Variants in ARHGEF38 observed in about 807,000 individuals in gnomAD.
ARHGEF38 encodes Rho guanine nucleotide exchange factor (GEF) 38.
A neutral mutation model predicts 79.9 loss-of-function variants in ARHGEF38; 79 were observed. The observed-to-expected ratio is 0.99, with a 90% CI of 0.82 to 1.19. The LOEUF is 1.19. Among genes scored for constraint, ARHGEF38 ranks in the 50% most tolerant of loss-of-function variants. ARHGEF38 has a pLI of 0.00. For synonymous variants in ARHGEF38, 366 were observed against 328.3 expected (o/e 1.11, Z -1.24); for missense variants, 962 against 907.2 (o/e 1.06, Z -0.78).
chr4:105,643,371 T>C (rs572128576), intron 5 of ARHGEF38, among the ~76,000 whole-genome samples: 3 of 152,240 alleles, frequency 2.0e-5, no homozygotes, highest in South Asian at 2.1e-4. Context: ...AAGTAGAAGA[T>C]ACAGCCTATT....
intron 3 of ARHGEF38, among the ~76,000 whole-genome samples, chr4:105,630,181 C>G (rs1578327778): frequency 6.6e-6 from 1 of 151,768 alleles, no homozygotes; most frequent in East Asian, 1.9e-4. Flanking sequence ...ATAACTTGCT[C>G]AAGTCAAAGT....
chr4:105,587,072 GT>G (rs1727089351), intron 1 of ARHGEF38, among the ~76,000 whole-genome samples: 1 of 152,198 alleles, frequency 6.6e-6, no homozygotes, highest in African/African-American at 2.4e-5. Flanking sequence ...ATAATTCATT[GT>G]AATGACACGT....
chr4:105,570,694 A>G (rs1011313131), intron 1 of ARHGEF38, among the ~76,000 whole-genome samples: 3 of 152,180 alleles, frequency 2.0e-5, no homozygotes, highest in African/African-American at 7.2e-5. Context: ...ACCTCCCACC[A>G]GGTCCCTCCC....
intron 2 of ARHGEF38, among the ~76,000 whole-genome samples, chr4:105,606,996 G>A (rs1728072032): frequency 3.3e-5 from 5 of 151,982 alleles, no homozygotes; most frequent in Non-Finnish European, 1.5e-5. Context: ...TTCAAACAAT[G>A]TTTGTTCCTA....
chr4:105,666,038 G>C (rs1383443952), intron 10 of ARHGEF38, 139 bp from the exon 11 acceptor site: 1 of 575,848 alleles, frequency 1.7e-6, no homozygotes, highest in East Asian at 3.5e-5. Flanking sequence ...TATTTATCTA[G>C]AAGTTCTAAA....
At chr4:105,601,800 T>G (rs1727834192) in intron 2 of ARHGEF38, among the ~76,000 whole-genome samples, 1 of 152,178 alleles carries the variant, frequency 6.6e-6, no homozygotes, top group Admixed American at 6.6e-5. Flanking sequence ...CAAGGAGATA[T>G]AAGTAAGGCA....
intron 2 of ARHGEF38, among the ~76,000 whole-genome samples, chr4:105,604,856 G>A (rs748296653): frequency 2.6e-5 from 4 of 151,926 alleles, no homozygotes; most frequent in Non-Finnish European, 5.9e-5. Flanking sequence ...ATAATTTTTT[G>A]GCTGACATGG....
At chr4:105,663,844 C>A (rs1043920066) in intron 10 of ARHGEF38, among the ~76,000 whole-genome samples, 2 of 152,052 alleles carry the variant, frequency 1.3e-5, no homozygotes, top group Non-Finnish European at 2.9e-5. Context: ...GTGGCACATG[C>A]CTGTAATCCC....
chr4:105,636,545 A>T, intron 5 of ARHGEF38, 125 bp downstream of exon 5: 1 of 182,346 alleles, frequency 5.5e-6, no homozygotes, highest in East Asian at 1.7e-4. Context: ...ATAATCCAGG[A>T]TTGCAAAGGC....
intron 1 of ARHGEF38, among the ~76,000 whole-genome samples, chr4:105,566,230 C>T (rs180951239): frequency 0.011 from 1,616 of 152,266 alleles, 18 homozygotes; most frequent in Middle Eastern, 0.062. Flanking sequence ...TCTTTTTTTG[C>T]CACCAAGCCT....
At chr4:105,642,198 A>G (rs767796785) in intron 5 of ARHGEF38, among the ~76,000 whole-genome samples, 6 of 152,112 alleles carry the variant, frequency 3.9e-5, no homozygotes, top group Admixed American at 1.3e-4. Context: ...TTATTATCTT[A>G]TAACACTCCC....
intron 5 of ARHGEF38, among the ~76,000 whole-genome samples, chr4:105,641,782 A>G (rs894837688): frequency 1.3e-5 from 2 of 151,232 alleles, no homozygotes; most frequent in East Asian, 3.9e-4. Context: ...TTTAATTTTC[A>G]TTGTACTTTT....
intron 13 of ARHGEF38, among the ~76,000 whole-genome samples, chr4:105,671,277 A>G (rs1730948989): frequency 6.6e-6 from 1 of 152,198 alleles, no homozygotes; most frequent in African/African-American, 2.4e-5. Context: ...CAGAGTAGAA[A>G]TCATCTAACT....
intron 6 of ARHGEF38, among the ~76,000 whole-genome samples, chr4:105,645,951 A>G (rs1017232027): frequency 2.0e-5 from 3 of 152,218 alleles, no homozygotes; most frequent in Non-Finnish European, 2.9e-5. Flanking sequence ...TTAGTGTTTA[A>G]TGTAAAATTT....
At chr4:105,648,714 C>G in intron 7 of ARHGEF38, 32 bp downstream of exon 7, 1 of 1,487,496 alleles carries the variant, frequency 6.7e-7, no homozygotes. Context: ...CCCACCTTTT[C>G]CCAGGGAACA....
chr4:105,658,652 G>A (rs1222608876), intron 9 of ARHGEF38, among the ~76,000 whole-genome samples: 1 of 152,156 alleles, frequency 6.6e-6, no homozygotes, highest in African/African-American at 2.4e-5. Flanking sequence ...CTTTTACACA[G>A]TCTTGGTAGT....
chr4:105,606,016 T>A (rs1220703410), intron 2 of ARHGEF38, among the ~76,000 whole-genome samples: 2 of 152,116 alleles, frequency 1.3e-5, no homozygotes, highest in Non-Finnish European at 2.9e-5. Flanking sequence ...GCATTAATAA[T>A]GGATCAATCT....
chr4:105,630,601 G>A (rs1371361314), intron 3 of ARHGEF38, among the ~76,000 whole-genome samples: 7 of 151,972 alleles, frequency 4.6e-5, no homozygotes, highest in East Asian at 1.9e-4. Context: ...TTGCCTTTGA[G>A]AAAACCAGCT....
chr4:105,605,675 AG>A (rs1728007602), intron 2 of ARHGEF38, among the ~76,000 whole-genome samples: 2 of 152,156 alleles, frequency 1.3e-5, no homozygotes, highest in Non-Finnish European at 2.9e-5. Context: ...ACTTTTGAGA[AG>A]CCTGATGAAA....
Sources: gnomAD v4.1 joint callset for allele counts (sites outside exome capture counted in the v4.1 genomes callset) on GRCh38, gnomAD v4.1.1 for gene constraint, MANE v1.5 for transcripts, NCBI Gene and HGNC (gene_info 2026-07-23, HGNC 2026-07-21) for gene names.